NOL4: variants seen among roughly 807,000 people sequenced by gnomAD.
NOL4 encodes nucleolar protein 4.
A neutral mutation model predicts 75.9 loss-of-function variants in NOL4; 17 were observed. That is an observed-to-expected ratio of 0.22 (90% CI 0.15 to 0.34). The LOEUF (loss-of-function observed/expected upper bound fraction) is 0.34. NOL4 is among the 10% of genes least tolerant of loss of function. The pLI is 1.00. For missense variants in NOL4, 614 were observed against 793.5 expected (o/e 0.77, Z 2.72); for synonymous variants, 292 against 289.9 (o/e 1.01, Z -0.07).
chr18:34,187,057 T>G (rs182274066), intron 1 of NOL4, among the ~76,000 whole-genome samples: 1 of 152,202 alleles, frequency 6.6e-6, no homozygotes, highest in East Asian at 1.9e-4. Flanking sequence ...AGTGGACTTA[T>G]AGTTTACATT....
rs561256742 is a variant in NOL4, at chr18:34,127,686, C to T, written c.414+2185G>A. Among the ~76,000 whole-genome samples the T allele has an allele frequency of 2.6e-5, 4 of 151,958 alleles. No individual in the cohort carries two copies. The East Asian group carries it at 7.7e-4, about 29-fold the overall frequency. Reference sequence around the variant, plus strand: ...ACTTACATCAAATTTTAACATTAGACTTAAATTCATTGTAGAGTCACATGC... The same window carrying T: ...ACTTACATCAAATTTTAACATTAGATTTAAATTCATTGTAGAGTCACATGC... On this transcript the variant is annotated intron_variant, in intron 2 of 10. Coordinates refer to ENST00000261592, the MANE Select transcript of NOL4 (RefSeq NM_003787.5).
chr18:33,876,955 C>G (rs760132473), intron 10 of NOL4, among the ~76,000 whole-genome samples: 1 of 152,070 alleles, frequency 6.6e-6, no homozygotes, highest in Non-Finnish European at 1.5e-5. Context: ...CTCAAATATA[C>G]ACTAGACAAA....
intron 1 of NOL4, among the ~76,000 whole-genome samples, chr18:34,143,638 G>A (rs374418039): frequency 7.9e-5 from 12 of 152,022 alleles, no homozygotes; most frequent in African/African-American, 2.2e-4. Context: ...AGGCCGAGGC[G>A]GGTGGATCAC....
chr18:34,023,594 T>A, intron 5 of NOL4: 1 of 392,520 alleles, frequency 2.5e-6, no homozygotes, highest in East Asian at 7.3e-5. Context: ...AGACTCTGTA[T>A]ATGAGTCCCA....
intron 5 of NOL4, among the ~76,000 whole-genome samples, chr18:34,081,052 G>A (rs767896840): frequency 1.3e-5 from 2 of 152,182 alleles, no homozygotes; most frequent in South Asian, 4.1e-4. Flanking sequence ...TTTATCTACT[G>A]ATGCAAATGC....
intron 1 of NOL4, among the ~76,000 whole-genome samples, chr18:34,180,081 T>A (rs2146323926): frequency 6.6e-6 from 1 of 151,662 alleles, no homozygotes; most frequent in African/African-American, 2.4e-5. Flanking sequence ...CATCTTCTCT[T>A]TACATAGTCT....
chr18:34,013,701 G>A (rs758663689), intron 6 of NOL4, among the ~76,000 whole-genome samples: 3 of 151,956 alleles, frequency 2.0e-5, no homozygotes, highest in Admixed American at 6.6e-5. Context: ...CAAGGCATAA[G>A]TAAGCCTAGA....
chr18:34,222,604 G>T, intron 1 of NOL4: 1 of 368,742 alleles, frequency 2.7e-6, no homozygotes, highest in Non-Finnish European at 3.8e-6. Flanking sequence ...TTCCAGCCTG[G>T]CCTTTAGGCG....
At chr18:34,029,232 T>A (rs2075510372) in intron 5 of NOL4, among the ~76,000 whole-genome samples, 1 of 152,124 alleles carries the variant, frequency 6.6e-6, no homozygotes, top group South Asian at 2.1e-4. Context: ...CTCAGTGAGG[T>A]TTATTTATGG....
chr18:34,141,608 G>T (rs2081166770), intron 1 of NOL4, among the ~76,000 whole-genome samples: 1 of 152,190 alleles, frequency 6.6e-6, no homozygotes, highest in Admixed American at 6.5e-5. Flanking sequence ...AATAAATGGT[G>T]CTGGGAAAAC....
At position 33,943,094 on chromosome 18, in the gene NOL4, C is replaced by A. The variant is rs114980815; in HGVS notation, c.1513G>T (p.Ala505Ser). 1.9e-6 allele frequency: 3 copies of A among 1,611,188 alleles called. No individual in the cohort carries two copies. In the South Asian group the frequency reaches 3.3e-5, roughly 18 times the overall value. Residue 505 changes from alanine to serine, a missense_variant, in exon 9 of 11, where the codon GCC becomes TCC. Transcript: ENST00000261592. ...SACESESRNAAKRMRLERQQD... is the reference protein window; with the variant it reads ...SACESESRNASKRMRLERQQD... ...TGTCTCTCCAGACGCATCCTCTTGGCGGCATTTCTACTCTCACTCTCACAA... is the reference window on the plus strand; with the variant it reads ...TGTCTCTCCAGACGCATCCTCTTGGAGGCATTTCTACTCTCACTCTCACAA...
intron 1 of NOL4, among the ~76,000 whole-genome samples, chr18:34,180,379 A>G (rs868316890): frequency 2.0e-5 from 3 of 151,596 alleles, no homozygotes; most frequent in African/African-American, 7.2e-5. Flanking sequence ...ATAAAGTAAA[A>G]ACACATGATT....
chr18:33,870,774 C>A (rs961510182), intron 10 of NOL4, among the ~76,000 whole-genome samples: 7 of 151,828 alleles, frequency 4.6e-5, no homozygotes, highest in African/African-American at 1.7e-4. Context: ...CTGAAATAGG[C>A]ACCAACAAAA....
At chr18:33,988,946 A>G (rs2072698063) in intron 6 of NOL4, among the ~76,000 whole-genome samples, 1 of 151,980 alleles carries the variant, frequency 6.6e-6, no homozygotes, top group African/African-American at 2.4e-5. Flanking sequence ...GCCTATAATC[A>G]CAGCATTTTG....
chr18:34,133,352 T>C (rs1477422239), intron 1 of NOL4, among the ~76,000 whole-genome samples: 2 of 149,542 alleles, frequency 1.3e-5, no homozygotes, highest in East Asian at 3.9e-4. Flanking sequence ...AGACATAACA[T>C]ATGATAATAA....
rs530113412 is a variant in NOL4, at chr18:33,979,150, A to T, written c.1057-20732T>A. Reference sequence around the variant, plus strand: ...TAATATATAAAACAGATGAATGTTTAGATTATAGAGGTAAAACCTTAGAAG... The same window carrying T: ...TAATATATAAAACAGATGAATGTTTTGATTATAGAGGTAAAACCTTAGAAG... On this transcript the variant is annotated intron_variant, in intron 6 of 10. Coordinates refer to ENST00000261592, the MANE Select transcript of NOL4 (RefSeq NM_003787.5). Among the ~76,000 whole-genome samples, 6 of 152,226 alleles carry T rather than the reference A, an allele frequency of 3.9e-5. No individual in the cohort carries two copies. The South Asian group carries it at 1.2e-3, about 32-fold the overall frequency.
At chr18:34,035,655 AAT>A (rs1482530310) in intron 5 of NOL4, among the ~76,000 whole-genome samples, 2 of 152,062 alleles carry the variant, frequency 1.3e-5, no homozygotes, top group African/African-American at 2.4e-5. Flanking sequence ...AACTAAATGA[AAT>A]AGAGACTAAC....
chr18:34,199,696 A>G (rs527809181), intron 1 of NOL4, among the ~76,000 whole-genome samples: 3 of 152,046 alleles, frequency 2.0e-5, no homozygotes, highest in African/African-American at 7.2e-5. Context: ...TGTTGGAGTT[A>G]GAGAACTAAA....
At chr18:33,912,378 T>C (rs969577116) in intron 9 of NOL4, among the ~76,000 whole-genome samples, 2 of 152,022 alleles carry the variant, frequency 1.3e-5, no homozygotes, top group Admixed American at 1.3e-4. Flanking sequence ...ATGTATGAAA[T>C]TATAGATAGG....
Sources: gnomAD v4.1 joint callset for allele counts (sites outside exome capture counted in the v4.1 genomes callset) on GRCh38, gnomAD v4.1.1 for gene constraint, MANE v1.5 for transcripts, NCBI Gene and HGNC (gene_info 2026-07-23, HGNC 2026-07-21) for gene names.